Variants in CNTNAP5 observed in about 807,000 individuals in gnomAD.
The protein encoded by CNTNAP5 is contactin associated protein family member 5, also known as contactin-associated protein-like 5.
In CNTNAP5, 72 loss-of-function variants were observed where a neutral mutation model predicts 150.2. That is an observed-to-expected ratio of 0.48 (90% CI 0.40 to 0.58). CNTNAP5 has a LOEUF of 0.58. CNTNAP5 is among the 20% of genes least tolerant of loss of function. The probability of loss-of-function intolerance (pLI) is 0.00; values close to 1 mark genes in which losing one functional copy is unlikely to be tolerated. For missense variants in CNTNAP5, 1,636 were observed against 1,626.2 expected (o/e 1.01, Z -0.10); for synonymous variants, 672 against 619.8 (o/e 1.08, Z -1.25).
chr2:124,524,167 G>C (rs1694911593), intron 8 of CNTNAP5, 136 bp from the exon 9 acceptor site: 1 of 718,692 alleles, frequency 1.4e-6, no homozygotes, highest in Non-Finnish European at 2.3e-6. Context: ...ATCTTCCAAG[G>C]GCTTGTATCC....
intron 23 of CNTNAP5, among the ~76,000 whole-genome samples, chr2:124,913,644 T>C (rs1462579395): frequency 6.6e-6 from 1 of 152,070 alleles, no homozygotes; most frequent in Non-Finnish European, 1.5e-5. Flanking sequence ...CAGGAGAGCA[T>C]GTGTTAAGAT....
intron 3 of CNTNAP5, among the ~76,000 whole-genome samples, chr2:124,401,055 C>T (rs757678195): frequency 5.3e-5 from 8 of 152,008 alleles, no homozygotes; most frequent in African/African-American, 1.7e-4. Context: ...TTAGTAGAAA[C>T]GGGGTTTCAC....
intron 17 of CNTNAP5, among the ~76,000 whole-genome samples, chr2:124,778,796 G>A (rs1488759801): frequency 6.6e-6 from 1 of 151,564 alleles, no homozygotes; most frequent in African/African-American, 2.4e-5. Context: ...TGTAGTGTCC[G>A]ACTCACATTC....
At position 124,921,031 on chromosome 2, in the gene CNTNAP5, T is replaced by C. The variant is rs564494316; in HGVS notation, c.*6743T>C. ...GTTCCTAAAATAAAATCCCAAGTGATGTTGCCTCATTCCAAGTCAGTTTTG... is the reference window on the plus strand; with the variant it reads ...GTTCCTAAAATAAAATCCCAAGTGACGTTGCCTCATTCCAAGTCAGTTTTG... On this transcript the variant is annotated 3_prime_UTR_variant, in exon 24 of 24. Coordinates refer to ENST00000682447, the MANE Select transcript of CNTNAP5 (RefSeq NM_001367498.1). Among the ~76,000 whole-genome samples, 31 of 152,188 alleles carry C rather than the reference T, an allele frequency of 2.0e-4. No homozygotes were observed. Among genetic ancestry groups the C allele is most frequent in the Non-Finnish European group, 2.9e-4 (20 of 68,028 alleles).
chr2:124,359,516 G>T (rs1205176058), intron 3 of CNTNAP5, among the ~76,000 whole-genome samples: 16 of 150,616 alleles, frequency 1.1e-4, no homozygotes, highest in Non-Finnish European at 1.9e-4. Context: ...CTTTGTTCTC[G>T]TTGGTTTCAA....
intron 13 of CNTNAP5, among the ~76,000 whole-genome samples, chr2:124,708,654 G>A (rs2105100803): frequency 6.6e-6 from 1 of 152,246 alleles, no homozygotes; most frequent in South Asian, 2.1e-4. Context: ...CTGCAGTTCT[G>A]GAATTCCAGA....
chr2:124,763,024 A>C (rs564022827), intron 14 of CNTNAP5, among the ~76,000 whole-genome samples: 24 of 152,252 alleles, frequency 1.6e-4, no homozygotes, highest in African/African-American at 5.1e-4. Flanking sequence ...CACCTTAAAC[A>C]AAAGGGGAAA....
chr2:124,568,933 A>C (rs945827082), intron 11 of CNTNAP5, among the ~76,000 whole-genome samples: 1 of 152,208 alleles, frequency 6.6e-6, no homozygotes, highest in Non-Finnish European at 1.5e-5. Flanking sequence ...CTGTAGTCCC[A>C]GCTAATCGGG....
At chr2:124,685,755 TGTGTGTGC>T (rs1040375112) in intron 13 of CNTNAP5, among the ~76,000 whole-genome samples, 1 of 123,610 alleles carries the variant, frequency 8.1e-6, no homozygotes, top group African/African-American at 3.0e-5. Flanking sequence ...TGTGTGTGTG[TGTGTGTGC>T]GCGCGCGTGT....
chr2:124,381,055 C>T (rs560309568), intron 3 of CNTNAP5, among the ~76,000 whole-genome samples: 8 of 152,108 alleles, frequency 5.3e-5, no homozygotes, highest in African/African-American at 1.7e-4. Flanking sequence ...TGGGTGGGGA[C>T]CTGGGAGAAG....
At chr2:124,094,506 A>C (rs1171263048) in intron 1 of CNTNAP5, among the ~76,000 whole-genome samples, 1 of 152,238 alleles carries the variant, frequency 6.6e-6, no homozygotes, top group Non-Finnish European at 1.5e-5. Context: ...AGATTTGTCT[A>C]ATACATATAT....
At chr2:124,662,023 C>G (rs1678603403) in intron 13 of CNTNAP5, among the ~76,000 whole-genome samples, 1 of 152,088 alleles carries the variant, frequency 6.6e-6, no homozygotes. Flanking sequence ...CCCGATAGGC[C>G]TCGGTGTGTG....
chr2:124,578,328 C>G (rs1180752971), intron 11 of CNTNAP5, among the ~76,000 whole-genome samples: 1 of 133,540 alleles, frequency 7.5e-6, no homozygotes, highest in Admixed American at 7.6e-5. Context: ...GAGACTTTGT[C>G]TCAAAAAAAA....
intron 6 of CNTNAP5, among the ~76,000 whole-genome samples, chr2:124,469,918 T>C (rs1693465392): frequency 6.6e-6 from 1 of 152,228 alleles, no homozygotes; most frequent in African/African-American, 2.4e-5. Flanking sequence ...TTTCTTTTTA[T>C]GGCTGCATGG....
intron 1 of CNTNAP5, among the ~76,000 whole-genome samples, chr2:124,035,314 C>G (rs1293976757): frequency 2.0e-5 from 3 of 151,820 alleles, no homozygotes; most frequent in Non-Finnish European, 4.4e-5. Flanking sequence ...ATATTCTTCC[C>G]CAAGTTGCTG....
chr2:124,167,121 C>T lies in CNTNAP5; in HGVS notation c.83-54584C>T, dbSNP rs116445517. On this transcript the variant is annotated intron_variant, in intron 1 of 23. Coordinates refer to ENST00000682447, the MANE Select transcript of CNTNAP5 (RefSeq NM_001367498.1). Reference sequence around the variant, plus strand: ...TGTAAACTATGTCTCAGATATCTCTCTCTTTCAAACAAAAGACTAATAATC... The same window carrying T: ...TGTAAACTATGTCTCAGATATCTCTTTCTTTCAAACAAAAGACTAATAATC... Among the ~76,000 whole-genome samples the T allele has an allele frequency of 5.2e-3, 791 of 152,314 alleles. 5 individuals carry two copies. The highest frequency in any genetic ancestry group is 0.018 in the African/African-American group (734 of 41,578).
At chr2:124,801,507 A>G (rs1018399505) in intron 19 of CNTNAP5, among the ~76,000 whole-genome samples, 1 of 152,218 alleles carries the variant, frequency 6.6e-6, no homozygotes, top group African/African-American at 2.4e-5. Flanking sequence ...ATGCATGACT[A>G]TTTGTTGGAG....
At position 124,872,425 on chromosome 2, in the gene CNTNAP5, T is replaced by G. The variant is rs546941630; in HGVS notation, c.3436+2663T>G. Among the ~76,000 whole-genome samples the G allele has an allele frequency of 1.4e-4, 21 of 151,190 alleles. No homozygotes were observed. In the East Asian group the frequency reaches 4.1e-3, roughly 30 times the overall value. Reference sequence around the variant, plus strand: ...GTGTGTGTGTGTGTGTGCGTGCATGTGCGTTTGTTCATATTGATTACAATT... The same window carrying G: ...GTGTGTGTGTGTGTGTGCGTGCATGGGCGTTTGTTCATATTGATTACAATT... On this transcript the variant is annotated intron_variant, in intron 21 of 23. Transcript: ENST00000682447.
rs1678781229 is a variant in CNTNAP5 at position 124,916,952 on chromosome 2, G to T, written c.*2664G>T. Among the ~76,000 whole-genome samples the T allele has an allele frequency of 6.6e-6, 1 of 152,012 alleles. No individual in the cohort carries two copies. On this transcript the variant is annotated 3_prime_UTR_variant, in exon 24 of 24. Coordinates refer to ENST00000682447, the MANE Select transcript of CNTNAP5 (RefSeq NM_001367498.1). ...CAAGTGATCCGTACCCTCCAAAGTA[G>T]AATGTAATTTACAATTAGAAATCGT...
Sources: allele counts gnomAD v4.1 joint callset (sites outside exome capture counted in the v4.1 genomes callset), GRCh38; gene constraint gnomAD v4.1.1; transcripts MANE v1.5; gene names NCBI Gene and HGNC (gene_info 2026-07-23, HGNC 2026-07-21).